Variants in CNTLN observed in about 807,000 individuals in gnomAD.
CNTLN encodes centlein, centrosomal protein.
CNTLN carries 212 observed loss-of-function variants against 180.0 expected under a neutral mutation model. The ratio of observed to expected loss-of-function variants is 1.18; its 90% CI spans 1.05 to 1.32. CNTLN has a LOEUF of 1.32. CNTLN is among the 40% of genes most tolerant of loss of function. The pLI, the probability that CNTLN is intolerant of heterozygous loss-of-function variation, is 0.00. For synonymous variants in CNTLN, 722 were observed against 563.1 expected (o/e 1.28, Z -3.99); for missense variants, 2,095 against 1,610.9 (o/e 1.30, Z -5.14).
chr9:17,489,932 T>A (rs1352452868), intron 25 of CNTLN, among the ~76,000 whole-genome samples: 1 of 152,206 alleles, frequency 6.6e-6, no homozygotes, highest in African/African-American at 2.4e-5. Context: ...CTTTAATTTC[T>A]TTGAACATTT....
intron 6 of CNTLN, among the ~76,000 whole-genome samples, chr9:17,278,986 TGAG>T (rs537849949): frequency 1.2e-3 from 190 of 152,210 alleles, no homozygotes; most frequent in Middle Eastern, 3.4e-3. Flanking sequence ...GATGTGAAAT[TGAG>T]GAGATTATTA....
rs1051657000 is a variant in CNTLN at position 17,259,001 on chromosome 9, C to T, written c.850-14732C>T. Among the ~76,000 whole-genome samples the T allele has an allele frequency of 1.0e-4, 15 of 150,462 alleles. 2 individuals carry two copies. Among genetic ancestry groups the T allele is most frequent in the African/African-American group, 3.7e-4 (15 of 40,110 alleles). On this transcript the variant is annotated intron_variant, in intron 5 of 25. Transcript: ENST00000380647. ...TGCCTGATTGCCTGGCCAGAACTTCCAACACTATGTTGAATAGGAGTGGTG... is the reference window on the plus strand; with the variant it reads ...TGCCTGATTGCCTGGCCAGAACTTCTAACACTATGTTGAATAGGAGTGGTG...
chr9:17,308,962 C>A, intron 7 of CNTLN, 96 bp from the exon 8 acceptor site: 1 of 669,280 alleles, frequency 1.5e-6, no homozygotes, highest in Non-Finnish European at 2.2e-6. Context: ...TGTGTTTATA[C>A]AGTTCATATG....
intron 2 of CNTLN, among the ~76,000 whole-genome samples, chr9:17,221,281 A>T (rs1824119253): frequency 6.6e-6 from 1 of 152,100 alleles, no homozygotes; most frequent in Admixed American, 6.6e-5. Flanking sequence ...AGTTGTATAA[A>T]TCAATAAAAA....
chr9:17,153,960 G>T (rs776634304), intron 2 of CNTLN, among the ~76,000 whole-genome samples: 2 of 152,044 alleles, frequency 1.3e-5, no homozygotes, highest in Non-Finnish European at 2.9e-5. Context: ...ATTGATACTT[G>T]TGTAGTCTTC....
intron 2 of CNTLN, among the ~76,000 whole-genome samples, chr9:17,211,724 A>AT (rs1563885257): frequency 6.6e-6 from 1 of 151,758 alleles, no homozygotes; most frequent in African/African-American, 2.4e-5. Context: ...GTCCTCTTTT[A>AT]TTTTTTTGAG....
chr9:17,312,358 T>C (rs1316703963), intron 8 of CNTLN, among the ~76,000 whole-genome samples: 1 of 15,310 alleles, frequency 6.5e-5, no homozygotes, highest in Non-Finnish European at 2.1e-4. Flanking sequence ...TATATATATA[T>C]ATATATTATA....
chr9:17,294,504 T>C (rs549161550), intron 6 of CNTLN, among the ~76,000 whole-genome samples: 110 of 151,468 alleles, frequency 7.3e-4, no homozygotes, highest in Non-Finnish European at 1.4e-3. Context: ...TGCTGATTGG[T>C]GTGTTCACAA....
At chr9:17,441,267 G>A (rs1334325403) in intron 18 of CNTLN, among the ~76,000 whole-genome samples, 1 of 152,178 alleles carries the variant, frequency 6.6e-6, no homozygotes, top group East Asian at 1.9e-4. Flanking sequence ...TTAAAAGCAT[G>A]TGAAAGTATA....
At chr9:17,413,322 A>G (rs985684548) in intron 16 of CNTLN, among the ~76,000 whole-genome samples, 1 of 152,198 alleles carries the variant, frequency 6.6e-6, no homozygotes, top group Admixed American at 6.5e-5. Context: ...AGAAAGAAAT[A>G]TAAGAGAAAA....
At chr9:17,200,596 C>G (rs779572560) in intron 2 of CNTLN, among the ~76,000 whole-genome samples, 1 of 152,022 alleles carries the variant, frequency 6.6e-6, no homozygotes, top group African/African-American at 2.4e-5. Flanking sequence ...TTCTTTGTAG[C>G]AATTGTGAAT....
intron 23 of CNTLN, among the ~76,000 whole-genome samples, chr9:17,481,140 C>T (rs60824077): frequency 6.6e-6 from 1 of 152,102 alleles, no homozygotes; most frequent in East Asian, 1.9e-4. Context: ...CTGGACCCCG[C>T]CGACCAAGGA....
At position 17,350,960 on chromosome 9, in the gene CNTLN, A is replaced by G. The variant is rs12001651; in HGVS notation, c.1886+8516A>G. ...GACGTAATTAAGTTCATAGCAATCA[A>G]TATTTTAGACTACAATTTGTTAAGC... On this transcript the variant is annotated intron_variant, in intron 12 of 25. Coordinates refer to ENST00000380647, the MANE Select transcript of CNTLN (RefSeq NM_017738.4). Among the ~76,000 whole-genome samples the G allele has an allele frequency of 1.4e-3, 209 of 152,288 alleles. 1 individual carries two copies. Among genetic ancestry groups the G allele is most frequent in the African/African-American group, 4.4e-3 (181 of 41,570 alleles).
At chr9:17,329,664 A>G (rs1202089483) in intron 8 of CNTLN, among the ~76,000 whole-genome samples, 4 of 151,916 alleles carry the variant, frequency 2.6e-5, no homozygotes, top group Non-Finnish European at 4.4e-5. Context: ...CTCAAAAAAG[A>G]AAAAAGCAGG....
the CNTLN span, among the ~76,000 whole-genome samples, chr9:17,512,831 G>C: frequency 3.9e-5 from 6 of 152,004 alleles, no homozygotes; most frequent in African/African-American, 1.5e-4. Flanking sequence ...TTTTGTTTTT[G>C]TTTGAGATGG....
At chr9:17,437,130 C>T (rs1564105423) in intron 18 of CNTLN, among the ~76,000 whole-genome samples, 1 of 152,190 alleles carries the variant, frequency 6.6e-6, no homozygotes, top group African/African-American at 2.4e-5. Context: ...GCAAGGCAAA[C>T]TGTGCAAAAC....
chr9:17,463,174 G>T (rs910605457), intron 20 of CNTLN, among the ~76,000 whole-genome samples, 161 bp downstream of exon 20: 2 of 151,498 alleles, frequency 1.3e-5, no homozygotes, highest in African/African-American at 4.8e-5. Flanking sequence ...TGTATAGCAT[G>T]ATTAATGGCA....
Position 17,342,397 on chromosome 9 carries a change from T to G in CNTLN, c.1839T>G (p.Asn613Lys), listed in dbSNP as rs1396603325. ...AAGAAGATTCTGACGCTGTGTGGAA[T>G]GAACTGGCATATTTCAAAAGGGAAA... ...LRQEDSDAVW[N>K]ELAYFKRENQ... The change falls in exon 12 of 26, where the codon AAT becomes AAG. Residue 613 changes from asparagine to lysine, a missense_variant. Asn to Lys is a moderately conservative substitution (Grantham distance 94). Coordinates refer to ENST00000380647, the MANE Select transcript of CNTLN (RefSeq NM_017738.4). 1 of 1,611,314 alleles carries G rather than the reference T, an allele frequency of 6.2e-7. No homozygotes were observed.
intron 8 of CNTLN, among the ~76,000 whole-genome samples, chr9:17,322,683 T>A (rs1819999811): frequency 1.3e-5 from 2 of 152,178 alleles, no homozygotes; most frequent in African/African-American, 2.4e-5. Context: ...TTTAGTGGAT[T>A]AATTAAACTG....
Sources: gnomAD v4.1 joint callset for allele counts (sites outside exome capture counted in the v4.1 genomes callset) on GRCh38, gnomAD v4.1.1 for gene constraint, MANE v1.5 for transcripts, NCBI Gene and HGNC (gene_info 2026-07-23, HGNC 2026-07-21) for gene names.